The following UTP20 variants were observed in gnomAD, a reference collection of about 807,000 sequenced individuals.
UTP20 encodes the protein UTP20 small subunit processome component.
Under a neutral mutation model 329.5 loss-of-function variants are expected in UTP20, and 164 were observed. The ratio of observed to expected loss-of-function variants is 0.50; its 90% CI spans 0.44 to 0.57. The LOEUF (loss-of-function observed/expected upper bound fraction) is 0.57, where lower values mean the gene tolerates loss of function less well. Among genes scored for constraint, UTP20 ranks in the 20% least tolerant of loss-of-function variants. The probability of loss-of-function intolerance (pLI) is 0.00; values close to 1 mark genes in which losing one functional copy is unlikely to be tolerated. For synonymous variants in UTP20, 1,151 were observed against 1,159.3 expected (o/e 0.99, Z 0.14); for missense variants, 3,055 against 3,284.2 (o/e 0.93, Z 1.71).
intron 2 of UTP20, among the ~76,000 whole-genome samples, chr12:101,282,046 T>A (rs1871815313): frequency 1.3e-5 from 2 of 152,180 alleles, no homozygotes; most frequent in Non-Finnish European, 2.9e-5. Flanking sequence ...ATCATGTCGT[T>A]ATTCCTCCTA....
Position 101,290,271 on chromosome 12 carries a change from C to A in UTP20, c.732C>A (p.Gly244=). The A allele has an allele frequency of 6.3e-7, 1 of 1,590,682 alleles. No homozygotes were observed. Among genetic ancestry groups the A allele is most frequent in the Non-Finnish European group, 8.5e-7 (1 of 1,170,030 alleles). ...GVRNMFHSCT[G]QAVKLILRKL... The stretch of plus-strand genomic sequence containing the variant: ...GAAATATGTTTCACTCCTGTACAGG[C>A]CAGGTACATAATGGGGAGGGGTGCT... Residue 244 remains glycine (G), a synonymous_variant, in exon 7 of 62, where the codon GGC becomes GGA. Coordinates refer to ENST00000261637, the MANE Select transcript of UTP20 (RefSeq NM_014503.3).
chr12:101,292,145 A>C (rs757948767), intron 10 of UTP20, 41 bp downstream of exon 10: 4 of 1,590,608 alleles, frequency 2.5e-6, no homozygotes, highest in Non-Finnish European at 3.4e-6. Context: ...AGTTAATAAT[A>C]TGTTTAGCAT....
In UTP20 at chr12:101,285,833, A is replaced by G. The variant is rs189494608; in HGVS notation, c.278A>G (p.Lys93Arg). 3.1e-6 allele frequency: 5 copies of G among 1,613,930 alleles called. No individual in the cohort carries two copies. The highest frequency in any genetic ancestry group is 1.7e-4 in the Middle Eastern group (1 of 6,058). The change falls in exon 4 of 62, where the codon AAG becomes AGG. Residue 93 changes from lysine (K) to arginine (R), a missense_variant. Lys to Arg is a conservative substitution (Grantham distance 26, BLOSUM62 2). Around this residue, in one of 3 missense-constraint regions of UTP20, gnomAD observed 2,445 missense variants for 2,575.5 expected, o/e 0.95. Transcript: ENST00000261637. ...YHQNEIVQSL[K>R]THLQVKNSFA... is the part of the protein sequence containing the mutation. Reference sequence around the variant, plus strand: ...CAAAACGAGATAGTTCAGAGTTTGAAGACTCACCTGCAAGTTAAGAACAGT... The same window carrying G: ...CAAAACGAGATAGTTCAGAGTTTGAGGACTCACCTGCAAGTTAAGAACAGT...
At chr12:101,368,563 A>G (rs1870175861) in intron 48 of UTP20, among the ~76,000 whole-genome samples, 1 of 152,144 alleles carries the variant, frequency 6.6e-6, no homozygotes, top group African/African-American at 2.4e-5. Context: ...CCTCCTAGGT[A>G]CCTTAAGTAT....
chr12:101,293,397 A>G (rs1872237296), intron 11 of UTP20, 152 bp downstream of exon 11: 1 of 680,972 alleles, frequency 1.5e-6, no homozygotes, highest in African/African-American at 1.8e-5. Flanking sequence ...AAGAAATTAT[A>G]TTCAATTCTA....
chr12:101,310,597 A>AAAAAAAAAAAAAAAAAAG (rs1380114662), intron 19 of UTP20, among the ~76,000 whole-genome samples: 2 of 150,462 alleles, frequency 1.3e-5, no homozygotes, highest in African/African-American at 4.9e-5. Context: ...AAAAAAAAAA[A>AAAAAAAAAAAAAAAAAAG]ATACATGTTA....
chr12:101,328,182 A>T (rs1868632199), intron 26 of UTP20, among the ~76,000 whole-genome samples: 1 of 152,194 alleles, frequency 6.6e-6, no homozygotes. Context: ...CATTCAGTAT[A>T]ATATTGCCCT....
At chr12:101,297,304 C>T (rs1262681162) in intron 12 of UTP20, among the ~76,000 whole-genome samples, 1 of 152,212 alleles carries the variant, frequency 6.6e-6, no homozygotes, top group East Asian at 1.9e-4. Context: ...CAGCCTCGAT[C>T]TCCAGGGCCC....
Position 101,293,374 on chromosome 12 carries a change from A to G in UTP20, c.1251+129A>G, listed in dbSNP as rs1180578120. The G allele has an allele frequency of 3.9e-6, 3 of 767,188 alleles. No individual in the cohort carries two copies. In the East Asian group the frequency reaches 8.0e-5, roughly 21 times the overall value. 47.5% of individuals were successfully genotyped at this position (767,188 alleles called of 1,614,324 possible). A position where few individuals can be genotyped will look rare whatever the true frequency, so the allele number is the denominator to read the frequency against. On this transcript the variant is annotated intron_variant, in intron 11 of 61. Coordinates refer to ENST00000261637, the MANE Select transcript of UTP20 (RefSeq NM_014503.3). ...AGGATAAGTGCTTGATGTTTTAGTCAATATGTTTTTTAAAGAAATTATATT... is the reference window on the plus strand; with the variant it reads ...AGGATAAGTGCTTGATGTTTTAGTCGATATGTTTTTTAAAGAAATTATATT...
rs951390222 is a variant in UTP20, at chr12:101,291,822, A to G, written c.972A>G (p.Glu324=). 7 of 1,613,860 alleles carry G rather than the reference A, an allele frequency of 4.3e-6. No homozygotes were observed. The African/African-American group carries it at 5.3e-5, about 12-fold the overall frequency. Residue 324 remains glutamate (E), a synonymous_variant, in exon 9 of 62, where the codon GAA becomes GAG. Transcript: ENST00000261637. ...CTGAACAGATTAAAAGGTTGTTGGA[A>G]ACATACCTTATACTTGTAAAACATG... ...ESSEQIKRLL[E]TYLILVKHGS... is the part of the protein sequence containing the mutation.
chr12:101,342,601 T>G lies in UTP20; in HGVS notation c.4245+12T>G. 1.9e-6 allele frequency: 3 copies of G among 1,597,306 alleles called. No homozygotes were observed. The highest frequency in any genetic ancestry group is 2.6e-6 in the Non-Finnish European group (3 of 1,175,106). ...GTACGGTTTTTGAGGTCTGTACTAT[T>G]CATTTTTACTCCAAATCACCCTTTT... On this transcript the variant is annotated intron_variant, in intron 33 of 61. Coordinates refer to ENST00000261637, the MANE Select transcript of UTP20 (RefSeq NM_014503.3).
Position 101,327,185 on chromosome 12 carries a change from A to G in UTP20, c.3146A>G (p.Gln1049Arg), listed in dbSNP as rs1266437305. ...GTCCTGCGGTTCCTGGCCGGGACCCAACCTGAGGAGATCCAGATATTCTTA... is the reference window on the plus strand; with the variant it reads ...GTCCTGCGGTTCCTGGCCGGGACCCGACCTGAGGAGATCCAGATATTCTTA... ...AIVLRFLAGT[Q>R]PEEIQIFLDL... The change falls in exon 26 of 62, where the codon CAA becomes CGA. Residue 1049 changes from glutamine (Q) to arginine (R), a missense_variant. Around this residue, in one of 3 missense-constraint regions of UTP20, gnomAD observed 2,445 missense variants for 2,575.5 expected, o/e 0.95. Transcript: ENST00000261637. The G allele has an allele frequency of 4.3e-6, 7 of 1,612,700 alleles. No homozygotes were observed. The highest frequency in any genetic ancestry group is 1.1e-5 in the South Asian group (1 of 91,016).
chr12:101,344,933 G>C (rs1329908408), intron 36 of UTP20, among the ~76,000 whole-genome samples, 183 bp downstream of exon 36: 1 of 70,880 alleles, frequency 1.4e-5, no homozygotes, highest in South Asian at 4.7e-4. Flanking sequence ...ACTTTTTTTT[G>C]CTTTTTTTTT....
intron 5 of UTP20, 59 bp downstream of exon 5, chr12:101,286,568 C>A: frequency 7.2e-7 from 1 of 1,388,074 alleles, no homozygotes. Context: ...TCCCTGGCTT[C>A]TTTATGACTC....
intron 29 of UTP20, 92 bp downstream of exon 29, chr12:101,334,596 G>T (rs1260148968): frequency 1.9e-6 from 2 of 1,070,734 alleles, no homozygotes; most frequent in Non-Finnish European, 2.7e-6. Context: ...GTAATTTATG[G>T]TCTTTCCATA....
intron 1 of UTP20, 78 bp from the exon 2 acceptor site, chr12:101,281,038 C>T (rs1388758974): frequency 3.0e-5 from 37 of 1,219,378 alleles, no homozygotes; most frequent in Non-Finnish European, 4.0e-5. Flanking sequence ...GAGATGCCTA[C>T]ATGCAGCATT....
In UTP20 at chr12:101,343,060, T is replaced by C. The variant is rs752360819; in HGVS notation, c.4416T>C (p.Ile1472=). Residue 1472 remains isoleucine (I), a synonymous_variant, in exon 35 of 62, where the codon ATT becomes ATC. Coordinates refer to ENST00000261637, the MANE Select transcript of UTP20 (RefSeq NM_014503.3). The stretch of plus-strand genomic sequence containing the variant: ...AAATTGTGGATGTTAACTACCTAAT[T>C]CCAGTTATGCATAATTGTTTCTATA... ...EMQIVDVNYL[I]PVMHNCFYNL... The C allele has an allele frequency of 1.1e-5, 17 of 1,610,850 alleles. No individual in the cohort carries two copies. Among genetic ancestry groups the C allele is most frequent in the Non-Finnish European group, 1.4e-5 (16 of 1,177,834 alleles).
chr12:101,294,654 T>C (rs1357565572), intron 11 of UTP20, among the ~76,000 whole-genome samples: 1 of 151,304 alleles, frequency 6.6e-6, no homozygotes, highest in Non-Finnish European at 1.5e-5. Context: ...GTGATTCTCC[T>C]GCTTCAGGCT....
intron 31 of UTP20, 139 bp from the exon 32 acceptor site, chr12:101,340,384 T>A: frequency 1.8e-6 from 1 of 565,426 alleles, no homozygotes; most frequent in Non-Finnish European, 3.1e-6. Flanking sequence ...TTTTTATACA[T>A]GCACACATAC....
Sources: allele counts gnomAD v4.1 joint callset (sites outside exome capture counted in the v4.1 genomes callset), GRCh38; gene constraint gnomAD v4.1.1; regional missense constraint gnomAD v4.1.1; transcripts MANE v1.5; gene names NCBI Gene and HGNC (gene_info 2026-07-23, HGNC 2026-07-21).